Variants in CELF2 observed in about 807,000 individuals in gnomAD.
The protein encoded by CELF2 is CUG triplet repeat RNA-binding protein 2.
Under a neutral mutation model 62.6 loss-of-function variants are expected in CELF2, and 8 were observed. That is an observed-to-expected ratio of 0.13 (90% confidence interval 0.07 to 0.23). The LOEUF is 0.23. CELF2 is among the 10% of genes least tolerant of loss of function. The probability of loss-of-function intolerance (pLI) is 1.00; values close to 1 mark genes in which losing one functional copy is unlikely to be tolerated. For missense variants in CELF2, 333 were observed against 671.0 expected (o/e 0.50, Z 5.56); for synonymous variants, 258 against 250.0 (o/e 1.03, Z -0.30).
At chr10:11,167,809 G>A (rs1388006475) in intron 2 of CELF2, among the ~76,000 whole-genome samples, 1 of 152,212 alleles carries the variant, frequency 6.6e-6, no homozygotes, top group East Asian at 1.9e-4. Context: ...AGCTTTACAT[G>A]TGTCCTCATT....
At chr10:11,185,063 G>A (rs2074472324) in intron 2 of CELF2, among the ~76,000 whole-genome samples, 1 of 152,114 alleles carries the variant, frequency 6.6e-6, no homozygotes, top group South Asian at 2.1e-4. Flanking sequence ...CTGTTTTGCT[G>A]AGAATTATCA....
At chr10:11,062,555 T>G (rs994234043) in intron 1 of CELF2, among the ~76,000 whole-genome samples, 1 of 152,120 alleles carries the variant, frequency 6.6e-6, no homozygotes, top group Non-Finnish European at 1.5e-5. Context: ...AGGAAGTCCC[T>G]GTATGGTGGA....
chr10:10,871,721 C>T (rs1008291552), intron 1 of CELF2, among the ~76,000 whole-genome samples: 1 of 152,118 alleles, frequency 6.6e-6, no homozygotes, highest in African/African-American at 2.4e-5. Context: ...CGTAAAAGAA[C>T]CTGAGACCAC....
the CELF2 span, among the ~76,000 whole-genome samples, chr10:10,756,467 T>G: frequency 6.6e-6 from 1 of 152,202 alleles, no homozygotes; most frequent in South Asian, 2.1e-4. Context: ...TTTCACTTTT[T>G]CTAAAATAAA....
the CELF2 span, among the ~76,000 whole-genome samples, chr10:10,668,690 G>T: frequency 6.6e-6 from 1 of 152,144 alleles, no homozygotes; most frequent in Non-Finnish European, 1.5e-5. Context: ...AAGCACAGTG[G>T]CTCATGCCTG....
At chr10:10,632,799 C>T in the CELF2 span, among the ~76,000 whole-genome samples, 1 of 152,156 alleles carries the variant, frequency 6.6e-6, no homozygotes, top group Non-Finnish European at 1.5e-5. Flanking sequence ...ATTCCTATCC[C>T]TGGAGGCAAT....
At position 11,157,827 on chromosome 10, in the gene CELF2, C is replaced by G. The variant is rs561098751; in HGVS notation, c.75-7659C>G. 6.6e-6 allele frequency among the ~76,000 whole-genome samples: 1 copy of G among 152,228 alleles called. No individual in the cohort carries two copies. Among genetic ancestry groups the G allele is most frequent in the African/African-American group, 2.4e-5 (1 of 41,446 alleles). ...GTTGTGAATCCGCACTGACCGTGTT[C>G]TCTTGCATAAATAAGTCCAGGCAAA... On this transcript the variant is annotated intron_variant, in intron 1 of 12. Coordinates refer to ENST00000633077, the MANE Select transcript of CELF2 (RefSeq NM_001326342.2). The surrounding 1 kb of genome is among the most constrained non-coding windows in gnomAD (Gnocchi z 4.9).
At chr10:10,916,122 C>T (rs2134531653) in intron 1 of CELF2, among the ~76,000 whole-genome samples, 2 of 152,232 alleles carry the variant, frequency 1.3e-5, no homozygotes, top group East Asian at 3.9e-4. Context: ...GGTTGCTTTA[C>T]AAAAGGTATA....
chr10:10,897,018 T>C (rs911495210), intron 1 of CELF2, among the ~76,000 whole-genome samples: 6 of 152,010 alleles, frequency 3.9e-5, no homozygotes, highest in Admixed American at 6.6e-5. Context: ...GGCTGTGGAA[T>C]TGGGTAATGG....
At chr10:10,873,086 A>G (rs1414882001) in intron 1 of CELF2, among the ~76,000 whole-genome samples, 1 of 152,246 alleles carries the variant, frequency 6.6e-6, no homozygotes. Flanking sequence ...GTACACACAT[A>G]TATTGTACCA....
the CELF2 span, among the ~76,000 whole-genome samples, chr10:10,625,209 CAAATT>C: frequency 6.6e-6 from 1 of 150,488 alleles, no homozygotes; most frequent in South Asian, 2.1e-4. Flanking sequence ...ATAGAAAAGA[CAAATT>C]AAAGATAACC....
At chr10:10,605,741 C>A in the CELF2 span, among the ~76,000 whole-genome samples, 6 of 152,308 alleles carry the variant, frequency 3.9e-5, no homozygotes, top group African/African-American at 1.4e-4. Flanking sequence ...CCCTGGGCAA[C>A]AACAGAGGGT....
the CELF2 span, among the ~76,000 whole-genome samples, chr10:10,779,328 G>A: frequency 6.6e-6 from 1 of 152,224 alleles, no homozygotes; most frequent in East Asian, 1.9e-4. Flanking sequence ...TATGGTTGGT[G>A]TGAGTAAAGA....
chr10:11,238,296 G>GT (rs1475712554), intron 3 of CELF2, among the ~76,000 whole-genome samples: 1 of 152,180 alleles, frequency 6.6e-6, no homozygotes, highest in Non-Finnish European at 1.5e-5. Context: ...GTCTTTTGTT[G>GT]TAATTGTAGC....
chr10:10,463,431 G>A, the CELF2 span, among the ~76,000 whole-genome samples: 2 of 152,120 alleles, frequency 1.3e-5, no homozygotes, highest in Non-Finnish European at 2.9e-5. Flanking sequence ...GTGACCGTTG[G>A]CTATAAGATA....
At chr10:10,998,409 G>C (rs890360519) in intron 2 of CELF2, among the ~76,000 whole-genome samples, 1 of 152,126 alleles carries the variant, frequency 6.6e-6, no homozygotes, top group African/African-American at 2.4e-5. Flanking sequence ...TAGAGCATTT[G>C]CCATATTTAC....
At chr10:11,055,021 G>A (rs2064910219) in intron 1 of CELF2, among the ~76,000 whole-genome samples, 2 of 152,346 alleles carry the variant, frequency 1.3e-5, no homozygotes, top group African/African-American at 2.4e-5. Flanking sequence ...GGCTTCTAGT[G>A]TATTCTTTTA....
At chr10:10,864,492 T>C (rs2060234342) in intron 1 of CELF2, among the ~76,000 whole-genome samples, 1 of 152,170 alleles carries the variant, frequency 6.6e-6, no homozygotes, top group Admixed American at 6.5e-5. Context: ...CTCACAGTTC[T>C]GGGGATGGTG....
In CELF2 at chr10:11,247,570, T is replaced by C. The variant is rs2075981230; in HGVS notation, c.355-1583T>C. On this transcript the variant is annotated intron_variant, in intron 3 of 12. Transcript: ENST00000633077. This position sits in a 1 kb window ranked among gnomAD's most constrained non-coding sequence, Gnocchi z 5.4. ...CTCAGTGTCTCTCCTGCCCCTGCCA[T>C]CCCACCCCCTCCATCCTATGCCCGC... Among the ~76,000 whole-genome samples, 1 of 144,960 alleles carries C rather than the reference T, an allele frequency of 6.9e-6. No individual in the cohort carries two copies. The highest frequency in any genetic ancestry group is 2.3e-4 in the South Asian group (1 of 4,286).
Sources: gnomAD v4.1 joint callset for allele counts (sites outside exome capture counted in the v4.1 genomes callset) on GRCh38, gnomAD v4.1.1 for gene constraint, Gnocchi (gnomAD v3.1) non-coding constraint, MANE v1.5 for transcripts, NCBI Gene and HGNC (gene_info 2026-07-23, HGNC 2026-07-21) for gene names.